The following LRRC1 variants were observed in gnomAD, a reference collection of about 807,000 sequenced individuals.
LRRC1 encodes the protein leucine-rich repeat-containing protein 1.
LRRC1 carries 28 observed loss-of-function variants against 69.9 expected under a neutral mutation model. The ratio of observed to expected loss-of-function variants is 0.40; its 90% CI spans 0.30 to 0.55. LRRC1 has a LOEUF of 0.55. Among genes scored for constraint, LRRC1 ranks in the 20% least tolerant of loss-of-function variants. The probability of loss-of-function intolerance (pLI) is 0.47; values close to 1 mark genes in which losing one functional copy is unlikely to be tolerated. For synonymous variants in LRRC1, 236 were observed against 240.2 expected (o/e 0.98, Z 0.16); for missense variants, 498 against 609.0 (o/e 0.82, Z 1.92).
At chr6:53,803,255 T>G (rs1764537568) in intron 1 of LRRC1, among the ~76,000 whole-genome samples, 1 of 152,154 alleles carries the variant, frequency 6.6e-6, no homozygotes, top group Non-Finnish European at 1.5e-5. Context: ...ATCCCAGACA[T>G]GGTCTTGCTG....
chr6:53,855,479 G>C (rs924018950), intron 2 of LRRC1, among the ~76,000 whole-genome samples: 17 of 152,196 alleles, frequency 1.1e-4, no homozygotes, highest in African/African-American at 3.6e-4. Context: ...TAACACCAGA[G>C]AGGCTGAGGA....
At chr6:53,811,819 T>C (rs1272210678) in intron 1 of LRRC1, among the ~76,000 whole-genome samples, 1 of 152,198 alleles carries the variant, frequency 6.6e-6, no homozygotes, top group African/African-American at 2.4e-5. Flanking sequence ...GCGCAGGCTT[T>C]TACATGCGAG....
At chr6:53,821,523 C>G (rs1360148533) in intron 1 of LRRC1, among the ~76,000 whole-genome samples, 1 of 152,186 alleles carries the variant, frequency 6.6e-6, no homozygotes, top group Non-Finnish European at 1.5e-5. Flanking sequence ...CTCAGGGACT[C>G]AGGAGTGCCT....
chr6:53,803,596 G>T (rs1214309377), intron 1 of LRRC1, among the ~76,000 whole-genome samples: 1 of 152,060 alleles, frequency 6.6e-6, no homozygotes, highest in African/African-American at 2.4e-5. Flanking sequence ...GTATGTGTGT[G>T]TGTGTGTGTA....
chr6:53,884,226 T>C, intron 4 of LRRC1: 1 of 519,662 alleles, frequency 1.9e-6, no homozygotes, highest in Non-Finnish European at 3.4e-6. Flanking sequence ...ATTTTTGTGC[T>C]GGGCATGGTG....
chr6:53,891,037 A>T (rs1314045390), intron 4 of LRRC1, among the ~76,000 whole-genome samples: 1 of 152,254 alleles, frequency 6.6e-6, no homozygotes, highest in Non-Finnish European at 1.5e-5. Context: ...TCACTGAAAT[A>T]GAATCCTAAA....
intron 9 of LRRC1, 35 bp from the exon 10 acceptor site, chr6:53,904,344 G>A (rs751004378): frequency 2.9e-5 from 37 of 1,281,318 alleles, no homozygotes; most frequent in Non-Finnish European, 3.8e-5. Flanking sequence ...TTAAAAATGT[G>A]TGTTAAATTA....
chr6:53,829,562 G>C (rs915576556), intron 1 of LRRC1, among the ~76,000 whole-genome samples: 1 of 152,164 alleles, frequency 6.6e-6, no homozygotes, highest in Admixed American at 6.5e-5. Flanking sequence ...AGAGAGAAAA[G>C]GGGCCCATGG....
intron 1 of LRRC1, among the ~76,000 whole-genome samples, chr6:53,816,618 T>C (rs1289429748): frequency 4.6e-5 from 7 of 152,180 alleles, no homozygotes; most frequent in Non-Finnish European, 1.0e-4. Context: ...GTAGCTTTCT[T>C]ACAATCAGAA....
intron 8 of LRRC1, 40 bp from the exon 9 acceptor site, chr6:53,902,589 A>G (rs1356630991): frequency 2.5e-6 from 3 of 1,215,690 alleles, no homozygotes; most frequent in African/African-American, 1.5e-5. Context: ...AATAATTGTA[A>G]CTAATGAATT....
rs184425517 is a variant in LRRC1 at position 53,805,170 on chromosome 6, C to T, written c.159+9755C>T. On this transcript the variant is annotated intron_variant, in intron 1 of 13. Transcript: ENST00000370888. ...GACGACTAACATCTAATACTTGCCA[C>T]ATGAATGTGCATGCCAAGAGTTGCT... 8.2e-4 allele frequency among the ~76,000 whole-genome samples: 125 copies of T among 152,274 alleles called. 1 individual carries two copies. The highest frequency in any genetic ancestry group is 2.8e-3 in the African/African-American group (117 of 41,556).
chr6:53,909,029 C>T (rs562419652), intron 10 of LRRC1, among the ~76,000 whole-genome samples: 11 of 152,190 alleles, frequency 7.2e-5, no homozygotes, highest in South Asian at 2.1e-4. Flanking sequence ...TAGAAATGTG[C>T]GTACCCTTTG....
At chr6:53,826,936 C>A (rs776902000) in intron 1 of LRRC1, among the ~76,000 whole-genome samples, 1 of 152,074 alleles carries the variant, frequency 6.6e-6, no homozygotes, top group Non-Finnish European at 1.5e-5. Flanking sequence ...CAACCTTGGC[C>A]CAACTTGCAT....
intron 8 of LRRC1, among the ~76,000 whole-genome samples, chr6:53,901,933 G>C (rs569446643): frequency 6.6e-6 from 1 of 152,322 alleles, no homozygotes; most frequent in East Asian, 1.9e-4. Flanking sequence ...CTGATGTAGT[G>C]GGGAAAGTGT....
intron 1 of LRRC1, among the ~76,000 whole-genome samples, chr6:53,809,119 A>G (rs1764718161): frequency 6.6e-6 from 1 of 152,202 alleles, no homozygotes; most frequent in Admixed American, 6.5e-5. Context: ...CAGCACTCCA[A>G]CTATAAGTCT....
chr6:53,904,334 T>G, intron 9 of LRRC1, 45 bp from the exon 10 acceptor site: 1 of 1,202,106 alleles, frequency 8.3e-7, no homozygotes, highest in Admixed American at 1.8e-5. Flanking sequence ...GTGAGCCATG[T>G]TAAAAATGTG....
At position 53,807,744 on chromosome 6, in the gene LRRC1, TCGTCAA is replaced by T. The variant is rs1257460563; in HGVS notation, c.159+12331_159+12336del. On this transcript the variant is annotated intron_variant, in intron 1 of 13. Transcript: ENST00000370888. ...TGGGCAACAAGAGTGAAACTCCGTG[TCGTCAA>T]CAACAACAACAACAACAACAACAAC... 2.2e-4 allele frequency among the ~76,000 whole-genome samples: 18 copies of T among 80,508 alleles called. No homozygotes were observed. In the Admixed American group the frequency reaches 2.6e-3, roughly 12 times the overall value. 52.8% of individuals were successfully genotyped at this position (80,508 alleles called of 152,430 possible). A position where few individuals can be genotyped will look rare whatever the true frequency, so the allele number is the denominator to read the frequency against.
intron 1 of LRRC1, among the ~76,000 whole-genome samples, chr6:53,840,279 AT>A (rs562426145): frequency 1.3e-5 from 2 of 152,072 alleles, no homozygotes; most frequent in Non-Finnish European, 2.9e-5. Flanking sequence ...GGGAATAATG[AT>A]TTTTTTGGAA....
chr6:53,825,824 A>G (rs555028478), intron 1 of LRRC1, among the ~76,000 whole-genome samples: 13 of 152,192 alleles, frequency 8.5e-5, no homozygotes, highest in Non-Finnish European at 1.6e-4. Context: ...TTCTGAAATT[A>G]CAATTTTTAT....
Sources: allele counts gnomAD v4.1 joint callset (sites outside exome capture counted in the v4.1 genomes callset), GRCh38; gene constraint gnomAD v4.1.1; transcripts MANE v1.5; gene names NCBI Gene and HGNC (gene_info 2026-07-23, HGNC 2026-07-21).